The following BAP1 variants were observed in gnomAD, a reference collection of about 807,000 sequenced individuals.
The protein encoded by BAP1 is ubiquitin carboxyl-terminal hydrolase BAP1.
In BAP1, 16 loss-of-function variants were observed where a neutral mutation model predicts 77.2. The observed-to-expected ratio is 0.21, with a 90% CI of 0.14 to 0.31. The LOEUF (loss-of-function observed/expected upper bound fraction) is 0.31. BAP1 is among the 10% of genes least tolerant of loss of function. The pLI is 1.00. For missense variants in BAP1, 699 were observed against 967.3 expected (o/e 0.72, Z 3.68); for synonymous variants, 362 against 385.2 (o/e 0.94, Z 0.71).
intron 10 of BAP1, chr3:52,405,521 A>AAAAC: frequency 2.2e-4 from 105 of 481,012 alleles, no homozygotes; most frequent in East Asian, 5.4e-4. Context: ...AAAAAAAAAA[A>AAAAC]CCGCCTCTAG....
In BAP1 at chr3:52,403,676, T is replaced by C. The variant is rs201302700; in HGVS notation, c.1469A>G (p.Asn490Ser). 6.2e-7 allele frequency: 1 copy of C among 1,613,814 alleles called. No individual in the cohort carries two copies. The highest frequency in any genetic ancestry group is 2.2e-5 in the East Asian group (1 of 44,882). ...THSQPSPTPS[N>S]ESTDTASEIG... ...CTCAGAGGCCGTGTCTGTACTCTCA[T>C]TGCTGGGGGTGGGTGAGGGCTGCGA... The change falls in exon 13 of 17, where the codon AAT (asparagine) becomes AGT (serine). Residue 490 changes from asparagine (N) to serine (S), a missense_variant. Asn to Ser is a conservative substitution (Grantham distance 46, BLOSUM62 1). Coordinates refer to ENST00000460680, the MANE Select transcript of BAP1 (RefSeq NM_004656.4). This position sits in a 1 kb window ranked among gnomAD's most constrained non-coding sequence, Gnocchi z 4.0.
At position 52,403,711 on chromosome 3, in the gene BAP1, C is replaced by T. The variant is rs777484307; in HGVS notation, c.1434G>A (p.Val478=). The T allele has an allele frequency of 1.4e-5, 22 of 1,614,012 alleles. No homozygotes were observed. Among genetic ancestry groups the T allele is most frequent in the Non-Finnish European group, 1.9e-5 (22 of 1,180,008 alleles). The change falls in exon 13 of 17, where the codon GTG becomes GTA. Residue 478 remains valine (V), a synonymous_variant. Transcript: ENST00000460680. The surrounding 1 kb of genome is among the most constrained non-coding windows in gnomAD (Gnocchi z 4.0). The stretch of plus-strand genomic sequence containing the variant: ...TGGGTGAGGGCTGCGAGTGTGTGGG[C>T]ACTGCCACAGCCGGACTCCCAGCCC... The part of the protein sequence containing the change: ...SSGAGSPAVA[V]PTHSQPSPTP...
intron 9 of BAP1, 63 bp from the exon 10 acceptor site, chr3:52,405,975 T>C (rs908887247): frequency 1.2e-6 from 2 of 1,607,074 alleles, no homozygotes; most frequent in African/African-American, 2.7e-5. Flanking sequence ...CTTAAATAGC[T>C]AAGGGCTGAG....
At chr3:52,409,691 C>G (rs1275621844) in intron 2 of BAP1, 23 bp downstream of exon 2, 1 of 1,614,160 alleles carries the variant, frequency 6.2e-7, no homozygotes, top group Non-Finnish European at 8.5e-7. Context: ...AGCCCCGGTC[C>G]GGCAGGGAGA....
At position 52,402,758 on chromosome 3, in the gene BAP1, G is replaced by T; in HGVS notation, c.1983+21C>A. Reference sequence around the variant, plus strand: ...TGGACCTCGGGAGAGGCCAGATCAGGCAACTGGAGAAATCACCCACCTTGA... The same window carrying T: ...TGGACCTCGGGAGAGGCCAGATCAGTCAACTGGAGAAATCACCCACCTTGA... On this transcript the variant is annotated intron_variant, in intron 15 of 16. Transcript: ENST00000460680. This position sits in a 1 kb window ranked among gnomAD's most constrained non-coding sequence, Gnocchi z 5.3. The T allele has an allele frequency of 6.2e-7, 1 of 1,614,170 alleles. No individual in the cohort carries two copies. Among genetic ancestry groups the T allele is most frequent in the East Asian group, 2.2e-5 (1 of 44,886 alleles).
At chr3:52,405,684 G>A (rs1705132854) in intron 10 of BAP1, 81 bp downstream of exon 10, 1 of 1,577,062 alleles carries the variant, frequency 6.3e-7, no homozygotes, top group Non-Finnish European at 8.6e-7. Context: ...CCCAGAAAAA[G>A]ACTTTCCCTG....
intron 12 of BAP1, among the ~76,000 whole-genome samples, chr3:52,404,243 A>G (rs1182226080): frequency 6.6e-6 from 1 of 152,162 alleles, no homozygotes; most frequent in African/African-American, 2.4e-5. Flanking sequence ...AGGACATGAT[A>G]TAAGCTTACG....
chr3:52,404,511 C>G lies in BAP1; in HGVS notation c.1192G>C (p.Glu398Gln), dbSNP rs374300269. The change falls in exon 12 of 17, where the codon GAG (glutamate) becomes CAG (glutamine). Residue 398 changes from glutamate to glutamine, a missense_variant. Glu to Gln is a conservative substitution (Grantham distance 29, BLOSUM62 2). Coordinates refer to ENST00000460680, the MANE Select transcript of BAP1 (RefSeq NM_004656.4). ...TCCTCGTCATCCTCATAGTCATCCT[C>G]ATCATCTGAGTACTGCTGGGGTGGG... ...VRPPQQYSDDEDDYEDDEEDD... is the reference protein window; with the variant it reads ...VRPPQQYSDDQDDYEDDEEDD... 1.2e-6 allele frequency: 2 copies of G among 1,614,104 alleles called. No individual in the cohort carries two copies. Among genetic ancestry groups the G allele is most frequent in the South Asian group, 1.1e-5 (1 of 91,084 alleles).
rs201812308 is a variant in BAP1 at position 52,403,563 on chromosome 3, A to G, written c.1582T>C (p.Ser528Pro). Residue 528 changes from serine to proline, a missense_variant, in exon 13 of 17, where the codon TCC becomes CCC. This residue lies in a region of BAP1 where 475 missense variants were observed against 532.4 expected (regional missense o/e 0.89). Coordinates refer to ENST00000460680, the MANE Select transcript of BAP1 (RefSeq NM_004656.4). The surrounding 1 kb of genome is among the most constrained non-coding windows in gnomAD (Gnocchi z 4.0). ...TCATCCTCTCCAAAAAGCACCTTGG[A>G]GATGTGGGAGGTGACAGGGCTGGAG... ...RPSSPVTSHI[S>P]KVLFGEDDSL... 4 of 1,614,030 alleles carry G rather than the reference A, an allele frequency of 2.5e-6. No individual in the cohort carries two copies. The highest frequency in any genetic ancestry group is 2.5e-6 in the Non-Finnish European group (3 of 1,179,974).
intron 10 of BAP1, 156 bp from the exon 11 acceptor site, chr3:52,405,450 TG>T (rs1429471876): frequency 4.4e-6 from 2 of 455,678 alleles, no homozygotes; most frequent in Non-Finnish European, 7.2e-6. Flanking sequence ...GATCCCGCAA[TG>T]AGACAGGGCA....
In BAP1 at chr3:52,403,176, G is replaced by C. The variant is rs1060503728; in HGVS notation, c.1852C>G (p.Pro618Ala). ...DSREKTGMVR[P>A]GEPLSGEKYS... ...TTCTCCCCACTCAAGGGCTCGCCAG[G>C]CCTCACCATCCCCGTCTTCTCTCTG... The change falls in exon 14 of 17, where the codon CCT (proline) becomes GCT (alanine). Residue 618 changes from proline to alanine, a missense_variant. By Grantham distance (27) the Pro-to-Ala change is conservative. Transcript: ENST00000460680. This position sits in a 1 kb window ranked among gnomAD's most constrained non-coding sequence, Gnocchi z 4.0. The C allele has an allele frequency of 1.9e-6, 3 of 1,614,008 alleles. No individual in the cohort carries two copies. The highest frequency in any genetic ancestry group is 2.5e-6 in the Non-Finnish European group (3 of 1,180,018).
chr3:52,404,696 G>A (rs1705093915), intron 11 of BAP1, 110 bp from the exon 12 acceptor site: 4 of 1,480,156 alleles, frequency 2.7e-6, no homozygotes, highest in Admixed American at 2.0e-5. Context: ...TGAGTCAGCG[G>A]AACCCCTCCA....
chr3:52,409,418 G>T, intron 3 of BAP1, 136 bp downstream of exon 3: 1 of 1,219,360 alleles, frequency 8.2e-7, no homozygotes, highest in Non-Finnish European at 1.2e-6. Flanking sequence ...CGGGCACTCA[G>T]AGAGCAAGGC....
chr3:52,401,828 T>G lies in BAP1; in HGVS notation c.*460A>C, dbSNP rs1704964701. The G allele has an allele frequency of 3.6e-6, 1 of 278,078 alleles. No individual in the cohort carries two copies. Among genetic ancestry groups the G allele is most frequent in the African/African-American group, 2.1e-5 (1 of 46,526 alleles). 17.2% of individuals were successfully genotyped at this position (278,078 alleles called of 1,614,324 possible). On this transcript the variant is annotated 3_prime_UTR_variant, in exon 17 of 17. Coordinates refer to ENST00000460680, the MANE Select transcript of BAP1 (RefSeq NM_004656.4). ...CCCAGGGCCCACCCAGGCCCCCAGCTAGGACCCTGTAGTTGGGACCGTGGC... is the reference window on the plus strand; with the variant it reads ...CCCAGGGCCCACCCAGGCCCCCAGCGAGGACCCTGTAGTTGGGACCGTGGC...
Position 52,404,595 on chromosome 3 carries a change from A to G in BAP1, c.1117-9T>C, listed in dbSNP as rs1553645191. The G allele has an allele frequency of 6.2e-7, 1 of 1,612,234 alleles. No individual in the cohort carries two copies. The highest frequency in any genetic ancestry group is 8.5e-7 in the Non-Finnish European group (1 of 1,179,318). On this transcript the variant is annotated splice_polypyrimidine_tract_variant and intron_variant, in intron 11 of 16. Coordinates refer to ENST00000460680, the MANE Select transcript of BAP1 (RefSeq NM_004656.4). ...GCCAGGTCTTCTTCCTCCTGGGACAAAGACCAGGGCAGTTACAAACAAGTG... is the reference window on the plus strand; with the variant it reads ...GCCAGGTCTTCTTCCTCCTGGGACAGAGACCAGGGCAGTTACAAACAAGTG...
At chr3:52,409,488 C>G in intron 3 of BAP1, 66 bp downstream of exon 3, 2 of 1,597,516 alleles carry the variant, frequency 1.3e-6, no homozygotes, top group Non-Finnish European at 1.7e-6. Context: ...CCTAAGGGGC[C>G]CTGTTCTCTG....
chr3:52,403,302 G>T lies in BAP1; in HGVS notation c.1730-4C>A, dbSNP rs2153226525. On this transcript the variant is annotated splice_region_variant and splice_polypyrimidine_tract_variant and intron_variant, in intron 13 of 16. Transcript: ENST00000460680. The surrounding 1 kb of genome is among the most constrained non-coding windows in gnomAD (Gnocchi z 4.0). Reference sequence around the variant, plus strand: ...GGCGAGGAACCCTTCCCACCCTCTGGGAAGAGAGGTCACAAGAAAATCATC... The same window carrying T: ...GGCGAGGAACCCTTCCCACCCTCTGTGAAGAGAGGTCACAAGAAAATCATC... 1 of 1,613,606 alleles carries T rather than the reference G, an allele frequency of 6.2e-7. No individual in the cohort carries two copies.
rs1704956931 is a variant in BAP1 at position 52,401,577 on chromosome 3, AG to A, written c.*710del. The stretch of plus-strand genomic sequence containing the variant: ...AGTCTTGAACAGCCTGGCTAGAACA[AG>A]GAAGACAGTTCACAGGCCACTGAAC... On this transcript the variant is annotated 3_prime_UTR_variant, in exon 17 of 17. Coordinates refer to ENST00000460680, the MANE Select transcript of BAP1 (RefSeq NM_004656.4). 4.3e-6 allele frequency: 1 copy of A among 234,252 alleles called. No individual in the cohort carries two copies. Among genetic ancestry groups the A allele is most frequent in the South Asian group, 1.8e-4 (1 of 5,542 alleles). The allele number at this position is 234,252 out of a possible 1,614,324, so 14.5% of individuals were successfully genotyped here.
rs776240891 is a variant in BAP1 at position 52,406,279 on chromosome 3, G to T, written c.757C>A (p.Gln253Lys). The change falls in exon 9 of 17, where the codon CAG (glutamine) becomes AAG (lysine). Residue 253 changes from glutamine (Q) to lysine (K), a missense_variant. Transcript: ENST00000460680. The surrounding 1 kb of genome is among the most constrained non-coding windows in gnomAD (Gnocchi z 4.6). ...ARLHVLKVNR[Q>K]TVLEALQQLI... ...TGCTGCAGAGCCTCTAGTACTGTCT[G>T]ACGGTTCACCTTCAGCACATGCAGC... 13 of 1,614,210 alleles carry T rather than the reference G, an allele frequency of 8.1e-6. No homozygotes were observed. The South Asian group carries it at 1.4e-4, about 18-fold the overall frequency.
Sources: allele counts gnomAD v4.1 joint callset (sites outside exome capture counted in the v4.1 genomes callset), GRCh38; gene constraint gnomAD v4.1.1; regional missense constraint gnomAD v4.1.1; non-coding constraint Gnocchi (gnomAD v3.1); transcripts MANE v1.5; gene names NCBI Gene and HGNC (gene_info 2026-07-23, HGNC 2026-07-21).